The following OSBPL9 variants were observed in gnomAD, a reference collection of about 807,000 sequenced individuals.
OSBPL9 encodes the protein oxysterol binding protein like 9, also known as oxysterol-binding protein-related protein 9.
OSBPL9 carries 40 observed loss-of-function variants against 106.6 expected under a neutral mutation model. That is an observed-to-expected ratio of 0.38 (90% CI 0.29 to 0.49). The LOEUF (loss-of-function observed/expected upper bound fraction) is 0.49. OSBPL9 is among the 20% of genes least tolerant of loss of function. The pLI, the probability that OSBPL9 is intolerant of heterozygous loss-of-function variation, is 0.97. For missense variants in OSBPL9, 609 were observed against 887.2 expected (o/e 0.69, Z 3.98); for synonymous variants, 269 against 295.4 (o/e 0.91, Z 0.92).
chr1:51,591,096 T>A (rs1337996269), intron 1 of OSBPL9, among the ~76,000 whole-genome samples: 1 of 151,974 alleles, frequency 6.6e-6, no homozygotes, highest in African/African-American at 2.4e-5. Flanking sequence ...TTTTTTGTAT[T>A]TTTAGTAGAG....
At chr1:51,587,824 C>T (rs974683835) in intron 1 of OSBPL9, among the ~76,000 whole-genome samples, 1 of 152,242 alleles carries the variant, frequency 6.6e-6, no homozygotes, top group Admixed American at 6.5e-5. Context: ...TTCATTTCCT[C>T]AGCTCCCCTC....
At chr1:51,539,228 G>A in the OSBPL9 span, among the ~76,000 whole-genome samples, 3 of 151,994 alleles carry the variant, frequency 2.0e-5, no homozygotes, top group Non-Finnish European at 2.9e-5. Context: ...AACCTGCTTC[G>A]CCTCGAGTCC....
chr1:51,588,981 A>T (rs1012092944), intron 1 of OSBPL9, among the ~76,000 whole-genome samples: 2 of 152,238 alleles, frequency 1.3e-5, no homozygotes, highest in African/African-American at 4.8e-5. Context: ...ACAGAGAGAG[A>T]TAGTAAGCAT....
rs768405305 is a variant in OSBPL9 at position 51,781,160 on chromosome 1, G to A, written c.1257-4G>A. On this transcript the variant is annotated splice_polypyrimidine_tract_variant and splice_region_variant and intron_variant, in intron 15 of 23. Transcript: ENST00000428468. ...ACATTAAATTTTGTCTTTCTCCCTT[G>A]CAGCATTAGTGACCAGAAGGATCCC... 19 of 1,613,406 alleles carry A rather than the reference G, an allele frequency of 1.2e-5. No homozygotes were observed. The highest frequency in any genetic ancestry group is 1.4e-5 in the Non-Finnish European group (17 of 1,179,554).
chr1:51,743,356 G>T (rs187059944), intron 4 of OSBPL9, among the ~76,000 whole-genome samples: 6 of 152,248 alleles, frequency 3.9e-5, no homozygotes. Context: ...TCAAGGTGAG[G>T]TTTATATGAT....
chr1:51,720,911 C>T (rs992247713), intron 4 of OSBPL9, among the ~76,000 whole-genome samples: 4 of 151,244 alleles, frequency 2.6e-5, no homozygotes, highest in Non-Finnish European at 5.9e-5. Flanking sequence ...AGTCCTCTCA[C>T]CTCAGCCTTC....
At chr1:51,629,576 A>T (rs1370640739) in intron 1 of OSBPL9, among the ~76,000 whole-genome samples, 1 of 152,190 alleles carries the variant, frequency 6.6e-6, no homozygotes, top group Non-Finnish European at 1.5e-5. Context: ...GGCAGGCCAA[A>T]GGGAAAACTT....
At position 51,741,402 on chromosome 1, in the gene OSBPL9, C is replaced by G. The variant is rs535982391; in HGVS notation, c.319-4134C>G. Among the ~76,000 whole-genome samples the G allele has an allele frequency of 5.3e-5, 8 of 150,108 alleles. No homozygotes were observed. The South Asian group carries it at 1.7e-3, about 32-fold the overall frequency. On this transcript the variant is annotated intron_variant, in intron 4 of 23. Transcript: ENST00000428468. ...CTCTCTTTCCCTCTCTCCTTCCCTC[C>G]TTCCCTCCCTCCCTTCCTTCCATCC...
chr1:51,781,251 A>C lies in OSBPL9; in HGVS notation c.1344A>C (p.Ser448=). 2 of 1,614,192 alleles carry C rather than the reference A, an allele frequency of 1.2e-6. No individual in the cohort carries two copies. The highest frequency in any genetic ancestry group is 8.5e-7 in the Non-Finnish European group (1 of 1,180,002). Residue 448 remains serine, a synonymous_variant, in exon 16 of 24, where the codon TCA becomes TCC. Coordinates refer to ENST00000428468, the MANE Select transcript of OSBPL9 (RefSeq NM_024586.6). ...LSAFHAGRKG[S]VAKKPYNPIL... ...CCTTTCATGCGGGAAGGAAAGGATC[A>C]GTTGCCAAAAAGCCATACAATCCCA...
chr1:51,732,671 A>G (rs1664724295), intron 4 of OSBPL9, among the ~76,000 whole-genome samples: 1 of 152,196 alleles, frequency 6.6e-6, no homozygotes, highest in Admixed American at 6.5e-5. Flanking sequence ...TCAGGCCATC[A>G]TGGTCTCTCA....
At chr1:51,590,690 A>G (rs1334504354) in intron 1 of OSBPL9, among the ~76,000 whole-genome samples, 2 of 152,040 alleles carry the variant, frequency 1.3e-5, no homozygotes, top group Non-Finnish European at 2.9e-5. Flanking sequence ...GGTACACTCA[A>G]TTAAACTTGC....
chr1:51,708,061 C>T (rs879688020), intron 3 of OSBPL9: 4 of 221,998 alleles, frequency 1.8e-5, no homozygotes, highest in Non-Finnish European at 3.8e-5. Context: ...GACAACAATA[C>T]CTGCTTTGCC....
chr1:51,680,502 G>GA (rs551551666), intron 3 of OSBPL9, among the ~76,000 whole-genome samples: 2 of 150,398 alleles, frequency 1.3e-5, no homozygotes, highest in African/African-American at 2.4e-5. Context: ...TAAAAAAAAA[G>GA]AAAAAAAAAT....
chr1:51,695,288 G>T (rs1020253097), intron 3 of OSBPL9, among the ~76,000 whole-genome samples: 2 of 152,194 alleles, frequency 1.3e-5, no homozygotes, highest in Admixed American at 6.5e-5. Flanking sequence ...CCATTGCCTT[G>T]ATTTGTGCTC....
intron 8 of OSBPL9, among the ~76,000 whole-genome samples, chr1:51,755,670 C>A (rs1460316741): frequency 6.6e-6 from 1 of 152,134 alleles, no homozygotes; most frequent in Non-Finnish European, 1.5e-5. Context: ...CAACTGTAGG[C>A]TAATGTAAGT....
At chr1:51,578,826 A>C (rs1484751526) in intron 1 of OSBPL9, among the ~76,000 whole-genome samples, 1 of 152,228 alleles carries the variant, frequency 6.6e-6, no homozygotes, top group African/African-American at 2.4e-5. Flanking sequence ...ACAAGTAAAC[A>C]GACAAGTCAA....
chr1:51,781,135 A>T, intron 15 of OSBPL9, 29 bp from the exon 16 acceptor site: 1 of 1,607,216 alleles, frequency 6.2e-7, no homozygotes, highest in Non-Finnish European at 8.5e-7. Context: ...AGAAAGCAGG[A>T]CATTAAATTT....
intron 21 of OSBPL9, chr1:51,786,320 G>A (rs990041684): frequency 1.9e-6 from 1 of 513,692 alleles, no homozygotes; most frequent in Non-Finnish European, 3.5e-6. Context: ...AGTTAAGATA[G>A]ACCTTTCCTT....
intron 2 of OSBPL9, among the ~76,000 whole-genome samples, chr1:51,607,967 G>A (rs887987339): frequency 6.6e-6 from 1 of 152,238 alleles, no homozygotes; most frequent in African/African-American, 2.4e-5. Flanking sequence ...TCCAGGACTT[G>A]CATCTCTCCT....
Sources: allele counts gnomAD v4.1 joint callset (sites outside exome capture counted in the v4.1 genomes callset), GRCh38; gene constraint gnomAD v4.1.1; transcripts MANE v1.5; gene names NCBI Gene and HGNC (gene_info 2026-07-23, HGNC 2026-07-21).